The following TRPC4 variants were observed in gnomAD, a reference collection of about 807,000 sequenced individuals.
The protein encoded by TRPC4 is transient receptor potential cation channel subfamily C member 4, also known as short transient receptor potential channel 4.
A neutral mutation model predicts 99.4 loss-of-function variants in TRPC4; 49 were observed. The ratio of observed to expected loss-of-function variants is 0.49; its 90% CI spans 0.39 to 0.63. The LOEUF (loss-of-function observed/expected upper bound fraction) is 0.63, where lower values mean the gene tolerates loss of function less well. Among genes scored for constraint, TRPC4 ranks in the 20% least tolerant of loss-of-function variants. The pLI is 0.00. For synonymous variants in TRPC4, 454 were observed against 425.9 expected, an observed-to-expected ratio of 1.07 and a Z score of -0.81; for missense variants, 898 against 1,152.9, an observed-to-expected ratio of 0.78 and a Z score of 3.20.
chr13:37,842,342 CCAAAAA>C (rs1375904831), intron 1 of TRPC4, among the ~76,000 whole-genome samples: 1 of 47,854 alleles, frequency 2.1e-5, no homozygotes, highest in Non-Finnish European at 3.5e-5. Flanking sequence ...TAGCGTCTAG[CCAAAAA>C]AAAAAAAAAA....
chr13:37,866,726 G>A (rs1406468546), intron 1 of TRPC4, among the ~76,000 whole-genome samples: 4 of 151,374 alleles, frequency 2.6e-5, no homozygotes, highest in African/African-American at 9.7e-5. Context: ...CTGGAAGGGT[G>A]AGAAATAGAA....
intron 3 of TRPC4, among the ~76,000 whole-genome samples, chr13:37,735,297 C>A (rs1386224520): frequency 6.6e-6 from 1 of 152,060 alleles, no homozygotes; most frequent in African/African-American, 2.4e-5. Flanking sequence ...TTCTTGCGAA[C>A]TATAACGTTT....
chr13:37,842,682 T>C (rs924983188), intron 1 of TRPC4, among the ~76,000 whole-genome samples: 2 of 152,154 alleles, frequency 1.3e-5, no homozygotes, highest in African/African-American at 4.8e-5. Context: ...ACTTTTGTAA[T>C]GGCACTAATC....
chr13:37,796,728 A>G (rs1009269486), intron 1 of TRPC4, among the ~76,000 whole-genome samples: 2 of 151,690 alleles, frequency 1.3e-5, no homozygotes, highest in Non-Finnish European at 2.9e-5. Flanking sequence ...CCTATTTGTC[A>G]CTGTCCCATT....
At chr13:37,761,011 G>T (rs775476285) in intron 2 of TRPC4, among the ~76,000 whole-genome samples, 2 of 151,630 alleles carry the variant, frequency 1.3e-5, no homozygotes, top group African/African-American at 2.4e-5. Flanking sequence ...AGGTATATAG[G>T]GCACACAGTA....
chr13:37,821,196 A>G (rs1158322503), intron 1 of TRPC4, among the ~76,000 whole-genome samples: 1 of 145,138 alleles, frequency 6.9e-6, no homozygotes, highest in Non-Finnish European at 1.5e-5. Flanking sequence ...ATAGCCACAC[A>G]CACACACACA....
At chr13:37,837,979 G>T (rs984313474) in intron 1 of TRPC4, among the ~76,000 whole-genome samples, 4 of 152,146 alleles carry the variant, frequency 2.6e-5, no homozygotes, top group African/African-American at 9.7e-5. Flanking sequence ...TCAGAAGGAG[G>T]AGTTTCCCTG....
chr13:37,657,676 T>A (rs1952282629), intron 6 of TRPC4, among the ~76,000 whole-genome samples: 1 of 152,138 alleles, frequency 6.6e-6, no homozygotes, highest in African/African-American at 2.4e-5. Flanking sequence ...CTTTTTCAAA[T>A]AAAAACAATG....
intron 5 of TRPC4, among the ~76,000 whole-genome samples, chr13:37,671,222 A>G (rs141172564): frequency 9.5e-4 from 145 of 152,266 alleles, no homozygotes; most frequent in African/African-American, 3.4e-3. Context: ...CAAATTACCT[A>G]CCTGCTCTTA....
chr13:37,656,072 TA>T (rs1169793204), intron 6 of TRPC4, among the ~76,000 whole-genome samples: 1 of 152,152 alleles, frequency 6.6e-6, no homozygotes, highest in Non-Finnish European at 1.5e-5. Context: ...GTTTTTTTGG[TA>T]TTTCAAGGAA....
intron 3 of TRPC4, among the ~76,000 whole-genome samples, chr13:37,698,354 G>A (rs1036801789): frequency 2.7e-5 from 4 of 150,516 alleles, no homozygotes; most frequent in Non-Finnish European, 5.9e-5. Flanking sequence ...GTAGAGTCAG[G>A]GTTTCACTGT....
intron 6 of TRPC4, among the ~76,000 whole-genome samples, 190 bp downstream of exon 6, chr13:37,663,226 T>C (rs1952512820): frequency 6.6e-6 from 1 of 152,220 alleles, no homozygotes; most frequent in Non-Finnish European, 1.5e-5. Context: ...AATAAATGTG[T>C]CAGGTATTCT....
chr13:37,718,675 G>A (rs1954757611), intron 3 of TRPC4, among the ~76,000 whole-genome samples: 1 of 152,070 alleles, frequency 6.6e-6, no homozygotes, highest in African/African-American at 2.4e-5. Flanking sequence ...GAATAGATAT[G>A]ACAGAGGAAA....
At chr13:37,783,766 T>A (rs1246790077) in intron 1 of TRPC4, among the ~76,000 whole-genome samples, 1 of 152,180 alleles carries the variant, frequency 6.6e-6, no homozygotes. Context: ...ATATAATTCA[T>A]TGTCAATTTT....
intron 6 of TRPC4, among the ~76,000 whole-genome samples, chr13:37,655,650 A>G (rs987576467): frequency 2.6e-5 from 4 of 152,084 alleles, no homozygotes; most frequent in African/African-American, 7.2e-5. Flanking sequence ...CATGAAAATT[A>G]TGTAAAATTC....
intron 1 of TRPC4, among the ~76,000 whole-genome samples, chr13:37,869,001 C>T (rs1006142841): frequency 6.6e-6 from 1 of 152,052 alleles, no homozygotes; most frequent in Non-Finnish European, 1.5e-5. Flanking sequence ...ATTGGAATCT[C>T]GGTTGCCAGG....
intron 4 of TRPC4, among the ~76,000 whole-genome samples, chr13:37,690,849 C>A (rs187243985): frequency 7.8e-4 from 117 of 149,958 alleles, no homozygotes; most frequent in African/African-American, 2.7e-3. Flanking sequence ...TTAGTTTCTT[C>A]AGCAGTTTTG....
rs377189249 is a variant in TRPC4 at position 37,634,301 on chromosome 13, C to T, written c.*2602G>A. 2.7e-4 allele frequency among the ~76,000 whole-genome samples: 41 copies of T among 152,138 alleles called. 1 individual carries two copies. In the South Asian group the frequency reaches 7.3e-3, roughly 27 times the overall value. Reference sequence around the variant, plus strand: ...CTTTTCTTATTTTATCCCTACTCCTCATCTTCATTAATGCTACATAATGTC... The same window carrying T: ...CTTTTCTTATTTTATCCCTACTCCTTATCTTCATTAATGCTACATAATGTC... On this transcript the variant is annotated 3_prime_UTR_variant, in exon 11 of 11. Transcript: ENST00000379705.
intron 1 of TRPC4, among the ~76,000 whole-genome samples, chr13:37,805,306 T>C (rs1324690459): frequency 1.6e-4 from 24 of 152,036 alleles, no homozygotes. Flanking sequence ...CTTATTTCTA[T>C]CAATGACAAA....
Sources: gnomAD v4.1 joint callset for allele counts (sites outside exome capture counted in the v4.1 genomes callset) on GRCh38, gnomAD v4.1.1 for gene constraint, MANE v1.5 for transcripts, NCBI Gene and HGNC (gene_info 2026-07-23, HGNC 2026-07-21) for gene names.